Variants in ADGRD1 observed in about 807,000 individuals in gnomAD.
The protein encoded by ADGRD1 is adhesion G protein-coupled receptor D1, also known as G-protein coupled receptor 133.
Under a neutral mutation model 113.4 loss-of-function variants are expected in ADGRD1, and 77 were observed. That is an observed-to-expected ratio of 0.68 (90% CI 0.57 to 0.82). The LOEUF (loss-of-function observed/expected upper bound fraction) is 0.82, where lower values mean the gene tolerates loss of function less well. Among genes scored for constraint, ADGRD1 ranks in the 40% least tolerant of loss-of-function variants. The pLI, the probability that ADGRD1 is intolerant of heterozygous loss-of-function variation, is 0.00. For missense variants in ADGRD1, 1,036 were observed against 1,139.1 expected (o/e 0.91, Z 1.30); for synonymous variants, 474 against 475.0 (o/e 1.00, Z 0.03).
chr12:131,003,065 A>C lies in ADGRD1; in HGVS notation c.1027-120A>C. On this transcript the variant is annotated intron_variant, in intron 9 of 24. Coordinates refer to ENST00000261654, the MANE Select transcript of ADGRD1 (RefSeq NM_198827.5). This position sits in a 1 kb window ranked among gnomAD's most constrained non-coding sequence, Gnocchi z 4.8. ...ATCCATGGGAAGGGGCAGTTGTGTGACTTCTTCCTCCCTCGTGGCCAACGT... is the reference window on the plus strand; with the variant it reads ...ATCCATGGGAAGGGGCAGTTGTGTGCCTTCTTCCTCCCTCGTGGCCAACGT... The C allele has an allele frequency of 1.2e-6, 1 of 820,922 alleles. No homozygotes were observed. Among genetic ancestry groups the C allele is most frequent in the South Asian group, 1.5e-5 (1 of 66,714 alleles). 50.9% of individuals were successfully genotyped at this position (820,922 alleles called of 1,614,324 possible). A position where few individuals can be genotyped will look rare whatever the true frequency, so the allele number is the denominator to read the frequency against.
At chr12:131,018,147 A>G (rs1180663434) in intron 13 of ADGRD1, among the ~76,000 whole-genome samples, 1 of 152,132 alleles carries the variant, frequency 6.6e-6, no homozygotes, top group Admixed American at 6.5e-5. Context: ...GCGGGTCTCC[A>G]GGGTGCCTCA....
chr12:131,111,496 TTCTC>T, intron 18 of ADGRD1, among the ~76,000 whole-genome samples: 1 of 152,248 alleles, frequency 6.6e-6, no homozygotes, highest in South Asian at 2.1e-4. Context: ...TTATGTTCCT[TTCTC>T]TATCTCCTGT....
intron 15 of ADGRD1, among the ~76,000 whole-genome samples, chr12:131,085,810 G>C (rs1434534874): frequency 6.6e-6 from 1 of 152,190 alleles, no homozygotes; most frequent in Non-Finnish European, 1.5e-5. Flanking sequence ...GGGCCAGGCT[G>C]GAGGGTAAGT....
chr12:131,138,063 C>T lies in ADGRD1; in HGVS notation c.2437-74C>T. 6 of 1,241,604 alleles carry T rather than the reference C, an allele frequency of 4.8e-6. No homozygotes were observed. The Admixed American group carries it at 1.0e-4, about 21-fold the overall frequency. The allele number at this position is 1,241,604 out of a possible 1,614,324, so 76.9% of individuals were successfully genotyped here. A position where few individuals can be genotyped will look rare whatever the true frequency, so the allele number is the denominator to read the frequency against. On this transcript the variant is annotated intron_variant, in intron 23 of 24. Transcript: ENST00000261654. ...TCGCACATCTGGTTCCGGAGTTGCA[C>T]CGGCACAGACTCCTCTGGTTACGGC...
rs1002869030 is a variant in ADGRD1, at chr12:131,027,398, C to T, written c.1473+13058C>T. On this transcript the variant is annotated intron_variant, in intron 13 of 24. Transcript: ENST00000261654. This position sits in a 1 kb window ranked among gnomAD's most constrained non-coding sequence, Gnocchi z 5.1. ...TTTAAATTTACCATGTCTATATTTCCGTGCCAGTAGCTCAGACTGTATCAT... is the reference window on the plus strand; with the variant it reads ...TTTAAATTTACCATGTCTATATTTCTGTGCCAGTAGCTCAGACTGTATCAT... 2 of 152,102 alleles carry T rather than the reference C, an allele frequency of 1.3e-5. No homozygotes were observed. The highest frequency in any genetic ancestry group is 4.8e-5 in the African/African-American group (2 of 41,426). The allele number at this position is 152,102 out of a possible 1,614,324, so 9.4% of individuals were successfully genotyped here. A position where few individuals can be genotyped will look rare whatever the true frequency, so the allele number is the denominator to read the frequency against.
Position 131,104,597 on chromosome 12 carries a change from AG to A in ADGRD1, c.1672-233del, listed in dbSNP as rs1288498637. 1.1e-4 allele frequency among the ~76,000 whole-genome samples: 16 copies of A among 152,096 alleles called. No individual in the cohort carries two copies. In the East Asian group the frequency reaches 2.9e-3, roughly 28 times the overall value. On this transcript the variant is annotated intron_variant, in intron 15 of 24. Coordinates refer to ENST00000261654, the MANE Select transcript of ADGRD1 (RefSeq NM_198827.5). ...TGGAGACTGTGGCTGAGGGAGCCTC[AG>A]TGTTCTGTAGGGCACCTCGGGGCAC...
chr12:131,045,081 C>A (rs1458062111), intron 13 of ADGRD1, among the ~76,000 whole-genome samples: 1 of 152,244 alleles, frequency 6.6e-6, no homozygotes, highest in Admixed American at 6.5e-5. Context: ...AGGAGCGGAT[C>A]CGAATGCGAA....
At chr12:131,114,868 A>C (rs1282721891) in intron 18 of ADGRD1, among the ~76,000 whole-genome samples, 1 of 152,198 alleles carries the variant, frequency 6.6e-6, no homozygotes, top group African/African-American at 2.4e-5. Flanking sequence ...CAGAGTGACA[A>C]GCATTGGAGA....
At chr12:131,048,497 G>A (rs1688657547) in intron 13 of ADGRD1, among the ~76,000 whole-genome samples, 2 of 152,160 alleles carry the variant, frequency 1.3e-5, no homozygotes, top group African/African-American at 4.8e-5. Context: ...CACAGCCTAC[G>A]GGAAGCGCTG....
At chr12:130,997,823 A>T (rs1198785293) in intron 8 of ADGRD1, among the ~76,000 whole-genome samples, 1 of 152,124 alleles carries the variant, frequency 6.6e-6, no homozygotes, top group African/African-American at 2.4e-5. Context: ...AGAGGCTGCA[A>T]TCTCGGCACT....
chr12:131,014,920 A>G lies in ADGRD1; in HGVS notation c.1473+580A>G, dbSNP rs547858008. Among the ~76,000 whole-genome samples, 6 of 152,334 alleles carry G rather than the reference A, an allele frequency of 3.9e-5. 1 individual carries two copies. Among genetic ancestry groups the G allele is most frequent in the East Asian group, 3.9e-4 (2 of 5,178 alleles). On this transcript the variant is annotated intron_variant, in intron 13 of 24. Transcript: ENST00000261654. ...TAGTAAAAGGCAAAAGATGTATACA[A>G]TCTGAGGAGAAACCAGAGTATAATG...
In ADGRD1 at chr12:130,966,864, C is replaced by A; in HGVS notation, c.187+318C>A. On this transcript the variant is annotated intron_variant, in intron 3 of 24. Coordinates refer to ENST00000261654, the MANE Select transcript of ADGRD1 (RefSeq NM_198827.5). The surrounding 1 kb of genome is among the most constrained non-coding windows in gnomAD (Gnocchi z 4.6). ...TCAAGCTCCTGGCCTCAGCAATCCT[C>A]TGGCCTTGGCCTCCCAAAGTGCTGG... The A allele has an allele frequency of 2.4e-6, 1 of 424,756 alleles. No individual in the cohort carries two copies. Among genetic ancestry groups the A allele is most frequent in the Non-Finnish European group, 4.7e-6 (1 of 211,634 alleles). The allele number at this position is 424,756 out of a possible 1,614,324, so 26.3% of individuals were successfully genotyped here.
chr12:130,974,536 C>A (rs1207247760), intron 4 of ADGRD1, among the ~76,000 whole-genome samples: 1 of 152,108 alleles, frequency 6.6e-6, no homozygotes, highest in African/African-American at 2.4e-5. Context: ...ATGTGTTCAG[C>A]GAGTCCTCCG....
chr12:130,980,319 T>G (rs1420500711), intron 4 of ADGRD1, among the ~76,000 whole-genome samples: 1 of 151,888 alleles, frequency 6.6e-6, no homozygotes, highest in African/African-American at 2.4e-5. Context: ...TTAGTAAAGA[T>G]GGTCTCGATC....
At chr12:131,097,464 C>G (rs1479822867) in intron 15 of ADGRD1, among the ~76,000 whole-genome samples, 3 of 152,228 alleles carry the variant, frequency 2.0e-5, no homozygotes, top group Non-Finnish European at 2.9e-5. Context: ...CCCGGGCTGT[C>G]GGTTCATTTC....
chr12:131,016,284 A>G (rs1334928699), intron 13 of ADGRD1, among the ~76,000 whole-genome samples: 1 of 152,224 alleles, frequency 6.6e-6, no homozygotes, highest in Non-Finnish European at 1.5e-5. Context: ...TCCAGCATGG[A>G]GCCCACTGCC....
chr12:131,116,874 A>G (rs1162775743), intron 18 of ADGRD1, among the ~76,000 whole-genome samples: 1 of 152,202 alleles, frequency 6.6e-6, no homozygotes, highest in Non-Finnish European at 1.5e-5. Context: ...ATGATGCCCC[A>G]CTTTCTGAAT....
chr12:131,107,286 T>C (rs1429518762), intron 17 of ADGRD1, among the ~76,000 whole-genome samples: 3 of 138,948 alleles, frequency 2.2e-5, no homozygotes, highest in African/African-American at 5.5e-5. Context: ...CCCAGAGACC[T>C]GTGTCTGAAT....
intron 13 of ADGRD1, among the ~76,000 whole-genome samples, chr12:131,072,749 A>G (rs1885286229): frequency 6.6e-6 from 1 of 152,224 alleles, no homozygotes; most frequent in South Asian, 2.1e-4. Flanking sequence ...TGGGGGTGTC[A>G]TGTTCCAGGG....
Sources: allele counts gnomAD v4.1 joint callset (sites outside exome capture counted in the v4.1 genomes callset), GRCh38; gene constraint gnomAD v4.1.1; non-coding constraint Gnocchi (gnomAD v3.1); transcripts MANE v1.5; gene names NCBI Gene and HGNC (gene_info 2026-07-23, HGNC 2026-07-21).